Variants in ADRA1A observed in about 807,000 individuals in gnomAD.
The protein encoded by ADRA1A is adrenoceptor alpha 1A, also known as alpha-1A adrenergic receptor.
ADRA1A carries 31 observed loss-of-function variants against 29.6 expected under a neutral mutation model. The observed-to-expected ratio is 1.05, with a 90% CI of 0.79 to 1.41. The LOEUF (loss-of-function observed/expected upper bound fraction) is 1.41, where lower values mean the gene tolerates loss of function less well. Ranked by LOEUF, ADRA1A falls within the 40% of genes most tolerant of loss-of-function variation. The probability of loss-of-function intolerance (pLI) is 0.00; values close to 1 mark genes in which losing one functional copy is unlikely to be tolerated. For missense variants in ADRA1A, 619 were observed against 601.1 expected (o/e 1.03, Z -0.31); for synonymous variants, 311 against 254.3 (o/e 1.22, Z -2.12).
rs187461370 is a variant in ADRA1A, at chr8:26,802,168, C to T, written c.884-31502G>A. 2.5e-3 allele frequency among the ~76,000 whole-genome samples: 382 copies of T among 152,140 alleles called. 1 individual carries two copies. The highest frequency in any genetic ancestry group is 8.5e-3 in the African/African-American group (353 of 41,534). On this transcript the variant is annotated intron_variant, in intron 2 of 2. Transcript: ENST00000380573. ...CTCTCCAGGACGTTGGGCTGGCATACATTTATTGAGTAATATCCCAAAGCA... is the reference window on the plus strand; with the variant it reads ...CTCTCCAGGACGTTGGGCTGGCATATATTTATTGAGTAATATCCCAAAGCA...
intron 2 of ADRA1A, among the ~76,000 whole-genome samples, chr8:26,771,137 C>T (rs1427970005): frequency 2.0e-5 from 3 of 152,198 alleles, no homozygotes; most frequent in Non-Finnish European, 4.4e-5. Flanking sequence ...TCCTCCCCTC[C>T]CAAATGTTAG....
At chr8:26,777,460 A>T (rs1157664726) in intron 2 of ADRA1A, among the ~76,000 whole-genome samples, 1 of 152,234 alleles carries the variant, frequency 6.6e-6, no homozygotes, top group East Asian at 1.9e-4. Context: ...GGGGAACCTC[A>T]CTTAGCCTGT....
In ADRA1A at chr8:26,787,771, G is replaced by C. The variant is rs1807503930; in HGVS notation, c.884-17105C>G. Among the ~76,000 whole-genome samples the C allele has an allele frequency of 6.6e-6, 1 of 152,052 alleles. No individual in the cohort carries two copies. Among genetic ancestry groups the C allele is most frequent in the African/African-American group, 2.4e-5 (1 of 41,394 alleles). On this transcript the variant is annotated intron_variant, in intron 2 of 2. Coordinates refer to ENST00000380573, the MANE Select transcript of ADRA1A (RefSeq NM_000680.4). This position sits in a 1 kb window ranked among gnomAD's most constrained non-coding sequence, Gnocchi z 4.2. Reference sequence around the variant, plus strand: ...CCCTTTTCTGTGCCTCAGTTTCCTGGCACACGTAAGTTCAGTGTCTGGCTG... The same window carrying C: ...CCCTTTTCTGTGCCTCAGTTTCCTGCCACACGTAAGTTCAGTGTCTGGCTG...
At chr8:26,817,485 G>A (rs1392795282) in intron 2 of ADRA1A, among the ~76,000 whole-genome samples, 2 of 152,162 alleles carry the variant, frequency 1.3e-5, no homozygotes, top group African/African-American at 4.8e-5. Flanking sequence ...TTCTTATAAA[G>A]TTAAACATAC....
chr8:26,766,270 T>C (rs1805778747), downstream of ADRA1A: 2 of 738,634 alleles, frequency 2.7e-6, no homozygotes, highest in Admixed American at 2.0e-5. Flanking sequence ...CTGTGGTTGG[T>C]CATCAATAAC....
At position 26,750,465 on chromosome 8, in the gene ADRA1A, G is replaced by A. The variant is rs568441110; in HGVS notation, c.1270-1717C>T. ...GATCCACTGGCCTCGGCCTCCGAAC[G>A]TGCTGGGATTACAGGCATGAGCCAC... On this transcript the variant is annotated intron_variant, in intron 2 of 2. Transcript: ENST00000380586. Among the ~76,000 whole-genome samples the A allele has an allele frequency of 2.2e-4, 34 of 152,220 alleles. No homozygotes were observed. The East Asian group carries it at 2.3e-3, about 10-fold the overall frequency.
intron 2 of ADRA1A, among the ~76,000 whole-genome samples, chr8:26,779,661 C>G (rs541733214): frequency 6.6e-6 from 1 of 151,998 alleles, no homozygotes; most frequent in Non-Finnish European, 1.5e-5. Flanking sequence ...CATGTCTATC[C>G]TAGAGGTTTA....
chr8:26,827,075 C>T (rs369614568), intron 2 of ADRA1A, among the ~76,000 whole-genome samples: 2 of 152,224 alleles, frequency 1.3e-5, no homozygotes, highest in Admixed American at 1.3e-4. Context: ...CATGGTACTG[C>T]GTGAAGAAGA....
rs1199942353 is a variant in ADRA1A, at chr8:26,823,698, C to T, written c.883+40389G>A. 6.6e-6 allele frequency among the ~76,000 whole-genome samples: 1 copy of T among 152,092 alleles called. No homozygotes were observed. The highest frequency in any genetic ancestry group is 1.5e-5 in the Non-Finnish European group (1 of 68,016). ...AGGATCAGGACTAGTTGGCCTAGGA[C>T]CCCTACCAGGACCATCATTTCATCA... On this transcript the variant is annotated intron_variant, in intron 2 of 2. Transcript: ENST00000380573. This position sits in a 1 kb window ranked among gnomAD's most constrained non-coding sequence, Gnocchi z 4.2.
At position 26,821,831 on chromosome 8, in the gene ADRA1A, T is replaced by C. The variant is rs1810195105; in HGVS notation, c.883+42256A>G. On this transcript the variant is annotated intron_variant, in intron 2 of 2. Transcript: ENST00000380573. This position sits in a 1 kb window ranked among gnomAD's most constrained non-coding sequence, Gnocchi z 5.6. Reference sequence around the variant, plus strand: ...TAATTTTGTCATTTCAAGAATGTTATGTAAATAGAGTCATACAGTATGCAA... The same window carrying C: ...TAATTTTGTCATTTCAAGAATGTTACGTAAATAGAGTCATACAGTATGCAA... Among the ~76,000 whole-genome samples, 1 of 152,210 alleles carries C rather than the reference T, an allele frequency of 6.6e-6. No homozygotes were observed. Among genetic ancestry groups the C allele is most frequent in the South Asian group, 2.1e-4 (1 of 4,836 alleles).
At chr8:26,772,343 C>T (rs61760523) in intron 2 of ADRA1A, among the ~76,000 whole-genome samples, 44 of 152,302 alleles carry the variant, frequency 2.9e-4, no homozygotes, top group Admixed American at 6.5e-4. Context: ...AAATCCCAAA[C>T]GTCCCTCTTC....
intron 2 of ADRA1A, among the ~76,000 whole-genome samples, chr8:26,804,653 A>G (rs1467965189): frequency 6.6e-6 from 1 of 152,174 alleles, no homozygotes; most frequent in Non-Finnish European, 1.5e-5. Flanking sequence ...ATATATCACT[A>G]TTTGATGGAC....
In ADRA1A at chr8:26,770,485, G is replaced by A. The variant is rs777439782; in HGVS notation, c.1065C>T (p.Ala355=). The change falls in exon 3 of 3, where the codon GCC becomes GCT. Residue 355 remains alanine (A), a synonymous_variant. Transcript: ENST00000380573. ...TGGGCGGGTGCAGGGTGTAGCCCAG[G>A]GCATGTTTGGAAGACTGCTTTCTGC... ...CLCRKQSSKH[A]LGYTLHPPSQ... 6.2e-7 allele frequency: 1 copy of A among 1,614,080 alleles called. No homozygotes were observed. The highest frequency in any genetic ancestry group is 8.5e-7 in the Non-Finnish European group (1 of 1,180,050).
intron 2 of ADRA1A, among the ~76,000 whole-genome samples, chr8:26,818,291 CAA>C (rs1809903989): frequency 6.6e-6 from 1 of 151,686 alleles, no homozygotes; most frequent in South Asian, 2.1e-4. Context: ...CTGGACACTA[CAA>C]AGATAAATTT....
downstream of ADRA1A, among the ~76,000 whole-genome samples, chr8:26,761,485 C>G (rs1805499420): frequency 6.6e-6 from 1 of 152,052 alleles, no homozygotes; most frequent in South Asian, 2.1e-4. Flanking sequence ...AGGGTGGACC[C>G]AAATCCAATA....
intron 2 of ADRA1A, among the ~76,000 whole-genome samples, chr8:26,850,897 A>C (rs1310586583): frequency 6.6e-6 from 1 of 152,184 alleles, no homozygotes; most frequent in Non-Finnish European, 1.5e-5. Context: ...TGTAGCATCT[A>C]CCCAAGTCCA....
intron 2 of ADRA1A, among the ~76,000 whole-genome samples, chr8:26,759,674 C>T (rs1805395974): frequency 6.6e-6 from 1 of 152,184 alleles, no homozygotes; most frequent in Non-Finnish European, 1.5e-5. Context: ...GATTAATGGG[C>T]CACAGCCCTC....
chr8:26,851,427 A>G (rs750734693), intron 2 of ADRA1A, among the ~76,000 whole-genome samples: 4 of 152,244 alleles, frequency 2.6e-5, no homozygotes, highest in Non-Finnish European at 5.9e-5. Context: ...AAAACGAAGG[A>G]AGCATAGAGC....
chr8:26,840,386 A>G (rs1340602290), intron 2 of ADRA1A, among the ~76,000 whole-genome samples: 3 of 152,112 alleles, frequency 2.0e-5, no homozygotes, highest in Admixed American at 2.0e-4. Flanking sequence ...TGACACCTGA[A>G]CTTTGTGACA....
Sources: gnomAD v4.1 joint callset for allele counts (sites outside exome capture counted in the v4.1 genomes callset) on GRCh38, gnomAD v4.1.1 for gene constraint, Gnocchi (gnomAD v3.1) non-coding constraint, MANE v1.5 for transcripts, NCBI Gene and HGNC (gene_info 2026-07-23, HGNC 2026-07-21) for gene names.